ACOXL: variants seen among roughly 807,000 people sequenced by gnomAD.
The protein encoded by ACOXL is acyl-coenzyme A oxidase-like protein.
In ACOXL, 70 loss-of-function variants were observed where a neutral mutation model predicts 71.9. That is an observed-to-expected ratio of 0.97 (90% CI 0.80 to 1.19). ACOXL has a LOEUF of 1.19. Ranked by LOEUF, ACOXL falls within the 50% of genes most tolerant of loss-of-function variation. ACOXL has a pLI of 0.00. For synonymous variants in ACOXL, 253 were observed against 281.6 expected (o/e 0.90, Z 1.02); for missense variants, 703 against 736.3 (o/e 0.95, Z 0.52).
chr2:110,807,849 C>A (rs2105384349), intron 9 of ACOXL, among the ~76,000 whole-genome samples: 1 of 152,332 alleles, frequency 6.6e-6, no homozygotes, highest in South Asian at 2.1e-4. Context: ...AAAAATGGAT[C>A]CGTTTCTCCT....
At chr2:110,892,734 G>T (rs1184261084) in intron 10 of ACOXL, among the ~76,000 whole-genome samples, 1 of 152,182 alleles carries the variant, frequency 6.6e-6, no homozygotes. Flanking sequence ...ATCCAGGGAG[G>T]CTCAGGACTT....
chr2:111,115,408 A>T (rs1205289343), intron 17 of ACOXL: 1 of 152,208 alleles, frequency 6.6e-6, no homozygotes, highest in African/African-American at 2.4e-5. Flanking sequence ...ATTTTTAAAA[A>T]TTTTTAAAAC....
At chr2:110,880,721 G>C (rs146854470) in intron 10 of ACOXL, among the ~76,000 whole-genome samples, 3 of 152,306 alleles carry the variant, frequency 2.0e-5, no homozygotes, top group Non-Finnish European at 4.4e-5. Context: ...GCTGAGGTGA[G>C]AGGATTACTC....
chr2:111,096,330 G>A (rs930015284), intron 17 of ACOXL, among the ~76,000 whole-genome samples: 6 of 151,462 alleles, frequency 4.0e-5, no homozygotes, highest in South Asian at 2.1e-4. Flanking sequence ...TCTGCCTCCC[G>A]GGTCCCCATT....
intron 10 of ACOXL, among the ~76,000 whole-genome samples, chr2:110,900,391 G>T (rs2059188459): frequency 6.6e-6 from 1 of 152,132 alleles, no homozygotes; most frequent in African/African-American, 2.4e-5. Context: ...TAATGGTAAT[G>T]ACTCTAATGA....
intron 2 of ACOXL, among the ~76,000 whole-genome samples, chr2:110,769,866 A>C (rs977036799): frequency 2.7e-4 from 41 of 151,796 alleles, no homozygotes; most frequent in Admixed American, 1.7e-3. Flanking sequence ...AAAAAACCCC[A>C]AAAACCCCAA....
chr2:110,887,094 G>GAGAGACATA, intron 10 of ACOXL: 3 of 437,902 alleles, frequency 6.9e-6, no homozygotes, highest in South Asian at 4.6e-5. Context: ...TCTCTGCCTG[G>GAGAGACATA]CAAGGACGAT....
chr2:110,798,089 T>C (rs1171206246), intron 5 of ACOXL, among the ~76,000 whole-genome samples: 2 of 152,078 alleles, frequency 1.3e-5, no homozygotes, highest in African/African-American at 4.8e-5. Context: ...ATCTCAGCCA[T>C]TTTCAAAGCT....
At chr2:111,017,601 G>T (rs1227890059) in intron 14 of ACOXL, among the ~76,000 whole-genome samples, 1 of 152,230 alleles carries the variant, frequency 6.6e-6, no homozygotes, top group Non-Finnish European at 1.5e-5. Flanking sequence ...AGAAGGGAGA[G>T]AGGGGAGTCA....
chr2:110,911,530 G>C (rs1287492032), intron 11 of ACOXL, among the ~76,000 whole-genome samples: 2 of 151,982 alleles, frequency 1.3e-5, no homozygotes, highest in African/African-American at 2.4e-5. Context: ...ATGACCAAGT[G>C]AGATTTATCC....
chr2:110,755,037 C>G (rs892393156), intron 1 of ACOXL, among the ~76,000 whole-genome samples: 1 of 152,180 alleles, frequency 6.6e-6, no homozygotes, highest in Admixed American at 6.5e-5. Context: ...AGAGATCTCT[C>G]TCTCTCTCTC....
chr2:111,010,613 A>G (rs1351591080), intron 14 of ACOXL, among the ~76,000 whole-genome samples: 1 of 152,142 alleles, frequency 6.6e-6, no homozygotes, highest in East Asian at 1.9e-4. Flanking sequence ...AGAGGATGAA[A>G]AACAAACAAA....
chr2:110,841,447 C>A (rs1014728929), intron 10 of ACOXL, 42 bp downstream of exon 10: 1 of 1,540,990 alleles, frequency 6.5e-7, no homozygotes, highest in East Asian at 2.3e-5. Flanking sequence ...ATTATCCTTA[C>A]CAGTTTATAG....
chr2:110,829,039 G>A (rs538941846), intron 9 of ACOXL, among the ~76,000 whole-genome samples: 10 of 152,240 alleles, frequency 6.6e-5, no homozygotes, highest in Non-Finnish European at 8.8e-5. Context: ...TTGAATTTCC[G>A]ACCTCAGGTG....
At chr2:110,838,904 G>C (rs970289244) in intron 9 of ACOXL, among the ~76,000 whole-genome samples, 1 of 152,242 alleles carries the variant, frequency 6.6e-6, no homozygotes, top group Admixed American at 6.5e-5. Flanking sequence ...CCTGCCAGGA[G>C]CCCTGGCTGC....
chr2:110,978,509 A>G (rs1302518026), intron 12 of ACOXL, among the ~76,000 whole-genome samples: 1 of 152,208 alleles, frequency 6.6e-6, no homozygotes, highest in Non-Finnish European at 1.5e-5. Flanking sequence ...AGGTGTGGGT[A>G]TAACTCCCCC....
chr2:110,830,787 C>A lies in ACOXL; in HGVS notation c.754-10584C>A, dbSNP rs1221088470. Among the ~76,000 whole-genome samples, 7 of 152,186 alleles carry A rather than the reference C, an allele frequency of 4.6e-5. 1 individual carries two copies. The highest frequency in any genetic ancestry group is 1.5e-5 in the Non-Finnish European group (1 of 68,030). On this transcript the variant is annotated intron_variant, in intron 9 of 17. Transcript: ENST00000439055. ...TGACCTTGTGATCCCCCCACCTCGG[C>A]CTCCCAAAGTGCTGGGATTACAGGC... is the stretch of plus-strand genomic sequence containing the variant.
intron 11 of ACOXL, among the ~76,000 whole-genome samples, chr2:110,918,965 T>G (rs1246769152): frequency 6.6e-6 from 1 of 152,120 alleles, no homozygotes; most frequent in Non-Finnish European, 1.5e-5. Flanking sequence ...GGAGTGTAAA[T>G]TAGTTCAACC....
intron 12 of ACOXL, among the ~76,000 whole-genome samples, chr2:110,937,360 A>G (rs2060702378): frequency 7.1e-6 from 1 of 141,228 alleles, no homozygotes; most frequent in Non-Finnish European, 1.6e-5. Context: ...GTAAATTTAG[A>G]ACAAAGAATG....
Sources: gnomAD v4.1 joint callset for allele counts (sites outside exome capture counted in the v4.1 genomes callset) on GRCh38, gnomAD v4.1.1 for gene constraint, MANE v1.5 for transcripts, NCBI Gene and HGNC (gene_info 2026-07-23, HGNC 2026-07-21) for gene names.